Variants in FILIP1L observed in about 807,000 individuals in gnomAD.
The protein encoded by FILIP1L is filamin A interacting protein 1 like.
Under a neutral mutation model 96.6 loss-of-function variants are expected in FILIP1L, and 55 were observed. The observed-to-expected ratio is 0.57, with a 90% CI of 0.46 to 0.71. The LOEUF is 0.71. FILIP1L is among the 30% of genes least tolerant of loss of function. The probability of loss-of-function intolerance (pLI) is 0.00; values close to 1 mark genes in which losing one functional copy is unlikely to be tolerated. For missense variants in FILIP1L, 1,304 were observed against 1,321.2 expected, an observed-to-expected ratio of 0.99 and a Z score of 0.20; for synonymous variants, 467 against 473.9, an observed-to-expected ratio of 0.99 and a Z score of 0.19.
At chr3:100,026,395 G>A (rs1413231472) in intron 1 of FILIP1L, among the ~76,000 whole-genome samples, 1 of 152,094 alleles carries the variant, frequency 6.6e-6, no homozygotes, top group Middle Eastern at 3.4e-3. Context: ...AAAACAAGGA[G>A]CAAGGTCGAT....
intron 1 of FILIP1L, among the ~76,000 whole-genome samples, chr3:100,003,964 A>G (rs1709915741): frequency 6.6e-6 from 1 of 152,174 alleles, no homozygotes; most frequent in Non-Finnish European, 1.5e-5. Context: ...ATGCCTGGGA[A>G]TGAACCTGAA....
intron 1 of FILIP1L, among the ~76,000 whole-genome samples, chr3:99,984,171 T>A (rs1709263221): frequency 6.6e-6 from 1 of 152,078 alleles, no homozygotes; most frequent in South Asian, 2.1e-4. Flanking sequence ...TAAGCAGAAT[T>A]TTTAAAAAGT....
chr3:100,052,640 C>G (rs1253793540), intron 1 of FILIP1L, among the ~76,000 whole-genome samples: 1 of 152,178 alleles, frequency 6.6e-6, no homozygotes, highest in African/African-American at 2.4e-5. Flanking sequence ...AGTATTAACA[C>G]TGAGAATCCA....
intron 4 of FILIP1L, among the ~76,000 whole-genome samples, chr3:99,876,606 G>A (rs1016294124): frequency 6.6e-6 from 1 of 152,174 alleles, no homozygotes; most frequent in Non-Finnish European, 1.5e-5. Flanking sequence ...GAAAGGAGAA[G>A]TCTGGGGTTT....
intron 1 of FILIP1L, among the ~76,000 whole-genome samples, chr3:100,089,104 A>G (rs1011171522): frequency 6.6e-6 from 1 of 152,202 alleles, no homozygotes; most frequent in African/African-American, 2.4e-5. Flanking sequence ...TTTCCCTACC[A>G]GTAAAGTATC....
At chr3:99,920,114 A>G (rs1283883956) in intron 4 of FILIP1L, among the ~76,000 whole-genome samples, 2 of 152,228 alleles carry the variant, frequency 1.3e-5, no homozygotes, top group Non-Finnish European at 2.9e-5. Flanking sequence ...TTGAAGCCAC[A>G]GTTTTATACA....
At chr3:99,833,105 T>C in intron 5 of FILIP1L, 3 of 746,914 alleles carry the variant, frequency 4.0e-6, no homozygotes, top group Non-Finnish European at 6.9e-6. Context: ...AAAGAGCAGA[T>C]GTCTTGGAGG....
intron 4 of FILIP1L, among the ~76,000 whole-genome samples, chr3:99,904,482 TC>T (rs1286983481): frequency 6.6e-6 from 1 of 152,244 alleles, no homozygotes; most frequent in East Asian, 1.9e-4. Context: ...TTACTATGCT[TC>T]TTTAGAATAG....
chr3:99,897,216 G>A (rs553844698), intron 4 of FILIP1L, among the ~76,000 whole-genome samples: 7 of 152,098 alleles, frequency 4.6e-5, no homozygotes, highest in Admixed American at 3.9e-4. Flanking sequence ...AAAATTAACC[G>A]GGTGTTGTGG....
chr3:100,080,921 A>G (rs1470197574), intron 1 of FILIP1L, among the ~76,000 whole-genome samples: 2 of 152,194 alleles, frequency 1.3e-5, no homozygotes, highest in Non-Finnish European at 2.9e-5. Context: ...TTCTGTCCTA[A>G]AGGATGAGTT....
intron 4 of FILIP1L, among the ~76,000 whole-genome samples, chr3:99,890,502 ACTTT>A (rs925886875): frequency 4.7e-4 from 71 of 152,120 alleles, no homozygotes; most frequent in Admixed American, 1.4e-3. Context: ...CACATGTTAG[ACTTT>A]CTTTATCTTC....
chr3:99,929,836 A>G lies in FILIP1L; in HGVS notation c.426+20T>C. On this transcript the variant is annotated intron_variant, in intron 3 of 5. Coordinates refer to ENST00000477258, the MANE Select transcript of FILIP1L (RefSeq NM_001387850.1). Reference sequence around the variant, plus strand: ...GTGCTTGGCTGCCTCCCAGGTACACACCCCTATTGTGGTACATACCTCATT... The same window carrying G: ...GTGCTTGGCTGCCTCCCAGGTACACGCCCCTATTGTGGTACATACCTCATT... The G allele has an allele frequency of 6.3e-7, 1 of 1,576,180 alleles. No homozygotes were observed. Among genetic ancestry groups the G allele is most frequent in the Non-Finnish European group, 8.6e-7 (1 of 1,161,508 alleles).
chr3:99,866,766 C>A (rs1944542216), intron 4 of FILIP1L, among the ~76,000 whole-genome samples: 1 of 152,124 alleles, frequency 6.6e-6, no homozygotes, highest in Non-Finnish European at 1.5e-5. Context: ...TATATCTTTT[C>A]CATGATTTTT....
intron 1 of FILIP1L, among the ~76,000 whole-genome samples, chr3:99,983,653 G>A (rs912286772): frequency 1.4e-5 from 2 of 146,562 alleles, no homozygotes; most frequent in African/African-American, 5.1e-5. Flanking sequence ...TGGTGCCACT[G>A]CACTCCAGCC....
chr3:99,964,077 TAA>T (rs1253778379), intron 1 of FILIP1L, among the ~76,000 whole-genome samples: 3 of 152,062 alleles, frequency 2.0e-5, no homozygotes, highest in Admixed American at 1.3e-4. Context: ...GTTATGTGAT[TAA>T]ATAAAAACAG....
At chr3:99,876,978 A>C (rs1705556362) in intron 4 of FILIP1L, among the ~76,000 whole-genome samples, 1 of 152,236 alleles carries the variant, frequency 6.6e-6, no homozygotes, top group Admixed American at 6.5e-5. Context: ...GGCAAACAAA[A>C]TAAAGCCAAA....
chr3:99,839,455 A>G (rs1326044568), intron 5 of FILIP1L, among the ~76,000 whole-genome samples: 1 of 152,230 alleles, frequency 6.6e-6, no homozygotes, highest in Middle Eastern at 3.2e-3. Flanking sequence ...AATAATACAC[A>G]GGGAATTGCA....
intron 4 of FILIP1L, among the ~76,000 whole-genome samples, chr3:99,907,494 G>C (rs1486039497): frequency 1.3e-5 from 2 of 151,992 alleles, no homozygotes; most frequent in African/African-American, 2.4e-5. Flanking sequence ...TGATCCACCC[G>C]CCTCGGCCTC....
chr3:100,101,098 A>AT (rs1559757700), intron 1 of FILIP1L, among the ~76,000 whole-genome samples: 1 of 152,192 alleles, frequency 6.6e-6, no homozygotes, highest in Non-Finnish European at 1.5e-5. Context: ...TGGGTGGTAC[A>AT]TACTGGAATT....
Sources: allele counts gnomAD v4.1 joint callset (sites outside exome capture counted in the v4.1 genomes callset), GRCh38; gene constraint gnomAD v4.1.1; transcripts MANE v1.5; gene names NCBI Gene and HGNC (gene_info 2026-07-23, HGNC 2026-07-21).